EXOC4: variants seen among roughly 807,000 people sequenced by gnomAD.
The protein encoded by EXOC4 is SEC8-like 1.
In EXOC4, 71 loss-of-function variants were observed where a neutral mutation model predicts 107.2. The ratio of observed to expected loss-of-function variants is 0.66; its 90% confidence interval spans 0.55 to 0.81. The LOEUF (loss-of-function observed/expected upper bound fraction) is 0.81, where lower values mean the gene tolerates loss of function less well. Among genes scored for constraint, EXOC4 ranks in the 30% least tolerant of loss-of-function variants. The probability of loss-of-function intolerance (pLI) is 0.00; values close to 1 mark genes in which losing one functional copy is unlikely to be tolerated. For missense variants in EXOC4, 1,108 were observed against 1,189.6 expected, an observed-to-expected ratio of 0.93 and a Z score of 1.01; for synonymous variants, 456 against 441.2, an observed-to-expected ratio of 1.03 and a Z score of -0.42.
intron 5 of EXOC4, among the ~76,000 whole-genome samples, chr7:133,325,457 C>T (rs1217503805): frequency 2.6e-5 from 4 of 152,166 alleles, no homozygotes; most frequent in Non-Finnish European, 5.9e-5. Flanking sequence ...TTTTATTTCT[C>T]CTTCACTTTT....
intron 3 of EXOC4, among the ~76,000 whole-genome samples, chr7:133,302,956 T>C (rs1249787139): frequency 6.6e-6 from 1 of 152,216 alleles, no homozygotes; most frequent in Non-Finnish European, 1.5e-5. Flanking sequence ...TTATGCACAT[T>C]CCTAAATACA....
chr7:133,484,257 G>A, intron 9 of EXOC4: 1 of 1,301,882 alleles, frequency 7.7e-7, no homozygotes, highest in South Asian at 1.6e-5. Flanking sequence ...TGGTACAGAT[G>A]GTTCATTATA....
chr7:133,609,966 G>C (rs1265441897), intron 9 of EXOC4, among the ~76,000 whole-genome samples: 1 of 152,200 alleles, frequency 6.6e-6, no homozygotes, highest in Non-Finnish European at 1.5e-5. Flanking sequence ...CATAGGATGA[G>C]AGGCTCAAAT....
intron 4 of EXOC4, among the ~76,000 whole-genome samples, chr7:133,309,576 T>A (rs943026381): frequency 2.2e-4 from 33 of 152,080 alleles, no homozygotes; most frequent in Admixed American, 6.6e-4. Context: ...TAGGTACATG[T>A]ATATATATAT....
At chr7:133,330,236 C>T (rs1795349310) in intron 5 of EXOC4, among the ~76,000 whole-genome samples, 1 of 152,112 alleles carries the variant, frequency 6.6e-6, no homozygotes, top group Admixed American at 6.5e-5. Flanking sequence ...GTAAAACCTC[C>T]TATTCAAGCC....
chr7:133,560,116 AT>A (rs1269717669), intron 9 of EXOC4, among the ~76,000 whole-genome samples: 1 of 151,634 alleles, frequency 6.6e-6, no homozygotes, highest in Non-Finnish European at 1.5e-5. Flanking sequence ...GTACTTTCTC[AT>A]TTTTTTTAAC....
intron 9 of EXOC4, among the ~76,000 whole-genome samples, chr7:133,589,655 A>G (rs1234360394): frequency 6.6e-6 from 1 of 152,158 alleles, no homozygotes; most frequent in Non-Finnish European, 1.5e-5. Context: ...GCTGAACCAG[A>G]TGGGATGTCT....
At chr7:133,320,360 G>A (rs1376447377) in intron 5 of EXOC4, among the ~76,000 whole-genome samples, 3 of 152,118 alleles carry the variant, frequency 2.0e-5, no homozygotes, top group East Asian at 3.9e-4. Context: ...TCTGGCTCCT[G>A]GAGGCCACCA....
At position 133,629,530 on chromosome 7, in the gene EXOC4, T is replaced by TTTTGTTTGTTTGTTTG. The variant is rs10699272; in HGVS notation, c.1418-503_1418-488dup. ...AGTAAAAGTGCTGTTTTTTGTTTTGTTTTGTTTGTTTGTTTGTTTGTTTGT... is the reference window on the plus strand; with the variant it reads ...AGTAAAAGTGCTGTTTTTTGTTTTGTTTTGTTTGTTTGTTTGTTTGTTTGTTTGTTTGTTTGTTTGT... On this transcript the variant is annotated intron_variant, in intron 9 of 17. Transcript: ENST00000253861. Among the ~76,000 whole-genome samples, 116 of 149,740 alleles carry TTTTGTTTGTTTGTTTG rather than the reference T, an allele frequency of 7.7e-4. 1 individual carries two copies. The highest frequency in any genetic ancestry group is 1.2e-3 in the Non-Finnish European group (84 of 67,712).
chr7:133,879,074 G>C (rs1043846176), intron 11 of EXOC4, among the ~76,000 whole-genome samples: 8 of 152,034 alleles, frequency 5.3e-5, no homozygotes, highest in Admixed American at 3.9e-4. Context: ...ACTTGAATCA[G>C]TTGTTTTATT....
intron 9 of EXOC4, among the ~76,000 whole-genome samples, chr7:133,608,546 CTTTTTTTTTTTTTTT>C (rs1161155238): frequency 1.2e-5 from 1 of 85,026 alleles, no homozygotes; most frequent in Non-Finnish European, 2.2e-5. Context: ...TGCTGTATTT[CTTTTTTTTTTTTTTT>C]TTTTTTTTGG....
chr7:133,504,037 A>G (rs1432687660), intron 9 of EXOC4, among the ~76,000 whole-genome samples: 5 of 152,088 alleles, frequency 3.3e-5, no homozygotes, highest in Non-Finnish European at 7.4e-5. Flanking sequence ...ACACACACAC[A>G]CTCACAAATA....
At chr7:133,374,670 A>T (rs1211203649) in intron 6 of EXOC4, among the ~76,000 whole-genome samples, 158 bp from the exon 7 acceptor site, 1 of 152,238 alleles carries the variant, frequency 6.6e-6, no homozygotes, top group African/African-American at 2.4e-5. Flanking sequence ...TTGCTTAGAT[A>T]ATACAGTTGT....
intron 11 of EXOC4, among the ~76,000 whole-genome samples, chr7:133,849,741 A>G (rs576849238): frequency 1.3e-5 from 2 of 152,332 alleles, no homozygotes; most frequent in African/African-American, 4.8e-5. Context: ...TTTGCTCACC[A>G]TTGTATCTCT....
At chr7:133,928,922 CTTTTTTTTT>C (rs71162044) in intron 13 of EXOC4, among the ~76,000 whole-genome samples, 3 of 82,016 alleles carry the variant, frequency 3.7e-5, no homozygotes, top group Non-Finnish European at 6.5e-5. Context: ...ACAGTAGTAC[CTTTTTTTTT>C]TTTTTTTTTT....
chr7:133,967,734 T>C (rs1238301136), intron 14 of EXOC4, among the ~76,000 whole-genome samples: 2 of 152,174 alleles, frequency 1.3e-5, no homozygotes, highest in Non-Finnish European at 2.9e-5. Flanking sequence ...TGCTGAGGCA[T>C]GTTTTACTTC....
chr7:133,792,692 A>G (rs1259332164), intron 10 of EXOC4, among the ~76,000 whole-genome samples: 1 of 152,238 alleles, frequency 6.6e-6, no homozygotes, highest in African/African-American at 2.4e-5. Flanking sequence ...ATGAACAAAA[A>G]TCTAAATCAC....
intron 17 of EXOC4, among the ~76,000 whole-genome samples, chr7:134,043,415 C>T (rs766733937): frequency 6.6e-6 from 1 of 152,172 alleles, no homozygotes; most frequent in African/African-American, 2.4e-5. Flanking sequence ...AACATTTACA[C>T]CCCCCAGCCT....
intron 9 of EXOC4, among the ~76,000 whole-genome samples, chr7:133,604,190 CT>C (rs1354853306): frequency 2.6e-5 from 4 of 152,178 alleles, no homozygotes; most frequent in Admixed American, 6.5e-5. Flanking sequence ...ATAACAGTGC[CT>C]TCTTCTGGAA....
Sources: gnomAD v4.1 joint callset for allele counts (sites outside exome capture counted in the v4.1 genomes callset) on GRCh38, gnomAD v4.1.1 for gene constraint, MANE v1.5 for transcripts, NCBI Gene and HGNC (gene_info 2026-07-23, HGNC 2026-07-21) for gene names.